PDE3A: variants seen among roughly 807,000 people sequenced by gnomAD.
PDE3A encodes the protein phosphodiesterase 3A, also known as cGMP-inhibited 3',5'-cyclic phosphodiesterase 3A.
A neutral mutation model predicts 98.3 loss-of-function variants in PDE3A; 43 were observed. That is an observed-to-expected ratio of 0.44 (90% CI 0.34 to 0.56). PDE3A has a LOEUF of 0.56. Ranked by LOEUF, PDE3A falls within the 20% of genes least tolerant of loss-of-function variation. PDE3A has a pLI of 0.01. For missense variants in PDE3A, 1,427 were observed against 1,440.7 expected (o/e 0.99, Z 0.15); for synonymous variants, 663 against 567.9 (o/e 1.17, Z -2.38).
intron 5 of PDE3A, among the ~76,000 whole-genome samples, chr12:20,623,716 G>GGATATATTCTAGAAAGAATATAT (rs1944188574): frequency 6.8e-6 from 1 of 147,716 alleles, no homozygotes; most frequent in East Asian, 2.0e-4. Flanking sequence ...AATATATGAT[G>GGATATATTCTAGAAAGAATATAT]GATATATTCT....
chr12:20,464,242 G>A (rs190034644), intron 1 of PDE3A, among the ~76,000 whole-genome samples: 129 of 152,210 alleles, frequency 8.5e-4, no homozygotes, highest in East Asian at 5.4e-3. Flanking sequence ...AAATATAATT[G>A]CATAATAATT....
intron 1 of PDE3A, among the ~76,000 whole-genome samples, chr12:20,486,656 C>CA (rs1461221941): frequency 6.6e-6 from 1 of 152,168 alleles, no homozygotes; most frequent in Non-Finnish European, 1.5e-5. Context: ...TTTTTTGAGA[C>CA]AGAGTCTTGC....
chr12:20,511,126 G>A (rs924168541), intron 1 of PDE3A, among the ~76,000 whole-genome samples: 1 of 151,914 alleles, frequency 6.6e-6, no homozygotes, highest in Non-Finnish European at 1.5e-5. Flanking sequence ...TTTCAGTTTG[G>A]TTGATGGCAT....
At chr12:20,439,658 AT>A (rs1944836208) in intron 1 of PDE3A, among the ~76,000 whole-genome samples, 1 of 152,170 alleles carries the variant, frequency 6.6e-6, no homozygotes, top group South Asian at 2.1e-4. Flanking sequence ...TAAAATGCAT[AT>A]TTCTGTCTTT....
intron 1 of PDE3A, among the ~76,000 whole-genome samples, chr12:20,536,341 GGTGTGT>G (rs56788789): frequency 6.6e-6 from 1 of 150,590 alleles, no homozygotes; most frequent in Non-Finnish European, 1.5e-5. Context: ...TTTACTGTGA[GGTGTGT>G]GTGTGTGTGT....
intron 1 of PDE3A, among the ~76,000 whole-genome samples, chr12:20,382,736 A>G (rs1207571486): frequency 2.0e-4 from 30 of 152,112 alleles, no homozygotes; most frequent in Non-Finnish European, 4.4e-5. Flanking sequence ...CTGATTTCTT[A>G]ACGTTGCAAA....
intron 1 of PDE3A, among the ~76,000 whole-genome samples, chr12:20,438,604 C>T (rs1046293371): frequency 6.6e-6 from 1 of 152,130 alleles, no homozygotes; most frequent in South Asian, 2.1e-4. Flanking sequence ...GTCATAACAT[C>T]TTTATCACAC....
At chr12:20,428,105 G>C (rs1381266144) in intron 1 of PDE3A, among the ~76,000 whole-genome samples, 2 of 151,954 alleles carry the variant, frequency 1.3e-5, no homozygotes, top group East Asian at 1.9e-4. Context: ...AATTCTGGTT[G>C]GCTAAATTGA....
At chr12:20,416,573 T>C (rs1944424973) in intron 1 of PDE3A, among the ~76,000 whole-genome samples, 1 of 152,168 alleles carries the variant, frequency 6.6e-6, no homozygotes, top group Non-Finnish European at 1.5e-5. Context: ...GTACTCCAAA[T>C]TTAGGCATAC....
At chr12:20,422,209 G>T (rs1944527841) in intron 1 of PDE3A, among the ~76,000 whole-genome samples, 1 of 152,078 alleles carries the variant, frequency 6.6e-6, no homozygotes, top group Non-Finnish European at 1.5e-5. Flanking sequence ...AGCCGGGCAT[G>T]GTGGCGGGCA....
rs140218469 is a variant in PDE3A at position 20,548,665 on chromosome 12, C to T, written c.961-7995C>T. The stretch of plus-strand genomic sequence containing the variant: ...TTCCCAGAATTGCTTAAGTAGCATG[C>T]TGCTATTCATTTCTCTTGAAAGTTT... On this transcript the variant is annotated intron_variant, in intron 1 of 15. Transcript: ENST00000359062. 6.6e-5 allele frequency among the ~76,000 whole-genome samples: 10 copies of T among 152,192 alleles called. No homozygotes were observed. In the East Asian group the frequency reaches 1.9e-3, roughly 29 times the overall value.
intron 1 of PDE3A, among the ~76,000 whole-genome samples, chr12:20,527,108 G>A (rs968830472): frequency 6.6e-6 from 1 of 152,010 alleles, no homozygotes; most frequent in Non-Finnish European, 1.5e-5. Context: ...TAGTAAAGAG[G>A]GGGTTTCACC....
At chr12:20,439,106 T>C (rs1158498663) in intron 1 of PDE3A, among the ~76,000 whole-genome samples, 1 of 152,114 alleles carries the variant, frequency 6.6e-6, no homozygotes, top group African/African-American at 2.4e-5. Context: ...ATATGTTCCA[T>C]TCTTAAGTCA....
intron 9 of PDE3A, among the ~76,000 whole-genome samples, chr12:20,638,017 G>A (rs1000762696): frequency 2.0e-5 from 3 of 152,082 alleles, no homozygotes; most frequent in South Asian, 4.1e-4. Flanking sequence ...ATTTGAATAA[G>A]TATCACAGCA....
intron 1 of PDE3A, among the ~76,000 whole-genome samples, chr12:20,448,047 G>C (rs546541273): frequency 6.6e-6 from 1 of 152,272 alleles, no homozygotes; most frequent in East Asian, 1.9e-4. Context: ...TTTGTATTCG[G>C]AGAGATTGGA....
intron 1 of PDE3A, among the ~76,000 whole-genome samples, chr12:20,440,832 A>G (rs1031311746): frequency 6.6e-6 from 1 of 152,208 alleles, no homozygotes; most frequent in South Asian, 2.1e-4. Flanking sequence ...TCCATCAGAG[A>G]TGGATATATT....
intron 1 of PDE3A, among the ~76,000 whole-genome samples, chr12:20,511,253 G>C (rs1946215859): frequency 6.6e-6 from 1 of 152,056 alleles, no homozygotes; most frequent in Non-Finnish European, 1.5e-5. Flanking sequence ...CTACACTCCA[G>C]CAGCAAGGAT....
intron 1 of PDE3A, among the ~76,000 whole-genome samples, chr12:20,536,719 C>T (rs768698214): frequency 6.6e-6 from 1 of 152,050 alleles, no homozygotes; most frequent in Admixed American, 6.5e-5. Context: ...ATCAGTACTA[C>T]TTCATTTCTT....
chr12:20,372,254 C>A (rs146615250), intron 1 of PDE3A, among the ~76,000 whole-genome samples: 2 of 152,002 alleles, frequency 1.3e-5, no homozygotes, highest in African/African-American at 4.8e-5. Flanking sequence ...TGCATAATCG[C>A]AATCTATTTC....
Sources: gnomAD v4.1 joint callset for allele counts (sites outside exome capture counted in the v4.1 genomes callset) on GRCh38, gnomAD v4.1.1 for gene constraint, MANE v1.5 for transcripts, NCBI Gene and HGNC (gene_info 2026-07-23, HGNC 2026-07-21) for gene names.